The following REV3L variants were observed in gnomAD, a reference collection of about 807,000 sequenced individuals.
REV3L encodes REV3 like, DNA directed polymerase zeta catalytic subunit, also known as DNA polymerase zeta catalytic subunit.
In REV3L, 69 loss-of-function variants were observed where a neutral mutation model predicts 299.4. That is an observed-to-expected ratio of 0.23 (90% CI 0.19 to 0.28). The LOEUF (loss-of-function observed/expected upper bound fraction) is 0.28, where lower values mean the gene tolerates loss of function less well. Ranked by LOEUF, REV3L falls within the 10% of genes least tolerant of loss-of-function variation. REV3L has a pLI of 1.00. For synonymous variants in REV3L, 1,238 were observed against 1,271.4 expected, an observed-to-expected ratio of 0.97 and a Z score of 0.56; for missense variants, 3,128 against 3,693.8, an observed-to-expected ratio of 0.85 and a Z score of 3.97.
chr6:111,422,615 C>CGT lies in REV3L; in HGVS notation c.140-6144_140-6143insAC, dbSNP rs1440483021. Among the ~76,000 whole-genome samples, 10 of 13,638 alleles carry CGT rather than the reference C, an allele frequency of 7.3e-4. 1 individual carries two copies. Among genetic ancestry groups the CGT allele is most frequent in the African/African-American group, 1.0e-3 (6 of 5,864 alleles). The allele number at this position is 13,638 out of a possible 152,430, so 8.9% of individuals were successfully genotyped here. A position where few individuals can be genotyped will look rare whatever the true frequency, so the allele number is the denominator to read the frequency against. On this transcript the variant is annotated intron_variant, in intron 1 of 31. Coordinates refer to ENST00000368802, the MANE Select transcript of REV3L (RefSeq NM_001372078.1). ...ATATACACATATATATATATATACA[C>CGT]ATATATATATATATACACATATATA...
intron 12 of REV3L, among the ~76,000 whole-genome samples, chr6:111,377,336 T>A (rs1780415697): frequency 6.6e-6 from 1 of 151,928 alleles, no homozygotes; most frequent in South Asian, 2.1e-4. Context: ...TCATATTTAT[T>A]TATTTATTAT....
intron 1 of REV3L, among the ~76,000 whole-genome samples, chr6:111,450,072 T>C (rs1449574192): frequency 6.6e-6 from 1 of 151,912 alleles, no homozygotes; most frequent in East Asian, 1.9e-4. Flanking sequence ...AGAGGAAAAA[T>C]ATGAGTAGAA....
chr6:111,452,457 A>C (rs1789662496), intron 1 of REV3L, among the ~76,000 whole-genome samples: 1 of 152,218 alleles, frequency 6.6e-6, no homozygotes, highest in African/African-American at 2.4e-5. Context: ...CACCTAGTGA[A>C]TGGTATATCC....
intron 5 of REV3L, 178 bp downstream of exon 5, chr6:111,392,698 G>T: frequency 2.1e-6 from 1 of 468,086 alleles, no homozygotes; most frequent in Non-Finnish European, 3.8e-6. Context: ...TTCATGGTTT[G>T]TTTTTAAAAT....
intron 5 of REV3L, 73 bp from the exon 6 acceptor site, chr6:111,390,253 A>C: frequency 1.1e-6 from 1 of 915,370 alleles, no homozygotes; most frequent in Non-Finnish European, 1.8e-6. Flanking sequence ...TTACTTATAC[A>C]ATTATCTTAC....
rs1230241768 is a variant in REV3L, at chr6:111,343,939, CTTG to C, written c.7521_7523del (p.Asn2507del). 1 of 1,600,500 alleles carries C rather than the reference CTTG, an allele frequency of 6.2e-7. No homozygotes were observed. Among genetic ancestry groups the C allele is most frequent in the East Asian group, 2.2e-5 (1 of 44,770 alleles). On this transcript the variant is annotated inframe_deletion, in exon 21 of 32. Transcript: ENST00000368802. Reference sequence around the variant, plus strand: ...TAGAACAGTACCTGTATAGATCTGTCTTGTTATCAAACCAGTCTGACAAGACTC... The same window carrying C: ...TAGAACAGTACCTGTATAGATCTGTCTTATCAAACCAGTCTGACAAGACTC...
At chr6:111,438,566 G>T (rs936995100) in intron 1 of REV3L, among the ~76,000 whole-genome samples, 4 of 149,906 alleles carry the variant, frequency 2.7e-5, no homozygotes, top group Non-Finnish European at 5.9e-5. Context: ...AGAAAGAACT[G>T]TTAATGTTAA....
chr6:111,315,167 C>A, intron 27 of REV3L, 100 bp downstream of exon 27: 1 of 987,238 alleles, frequency 1.0e-6, no homozygotes, highest in Non-Finnish European at 1.5e-6. Context: ...TTAATAGACC[C>A]GTATACTGTT....
At chr6:111,353,002 T>C (rs1777728034) in intron 18 of REV3L, among the ~76,000 whole-genome samples, 1 of 152,244 alleles carries the variant, frequency 6.6e-6, no homozygotes, top group Admixed American at 6.5e-5. Flanking sequence ...TATCAATTAG[T>C]AGCATTATCT....
intron 1 of REV3L, chr6:111,431,155 A>C (rs934430649): frequency 2.6e-6 from 4 of 1,544,250 alleles, no homozygotes; most frequent in Non-Finnish European, 3.6e-6. Context: ...CGATCTCAGC[A>C]GCCATGAGTT....
chr6:111,350,752 CTTTTTTTTT>C (rs35185792), intron 19 of REV3L, among the ~76,000 whole-genome samples: 1 of 138,642 alleles, frequency 7.2e-6, no homozygotes, highest in Non-Finnish European at 1.6e-5. Flanking sequence ...AATTTTCTTT[CTTTTTTTTT>C]TTTTTTTGGT....
At chr6:111,364,371 C>A (rs985159766) in intron 15 of REV3L, among the ~76,000 whole-genome samples, 19 of 152,010 alleles carry the variant, frequency 1.2e-4, no homozygotes, top group African/African-American at 4.3e-4. Context: ...ATTTGAAATA[C>A]TGATTTGTAT....
intron 1 of REV3L, among the ~76,000 whole-genome samples, chr6:111,453,991 A>C (rs994381036): frequency 6.6e-6 from 1 of 152,212 alleles, no homozygotes; most frequent in African/African-American, 2.4e-5. Context: ...GTCTCAAAAA[A>C]ATAAAAAATA....
intron 7 of REV3L, among the ~76,000 whole-genome samples, chr6:111,388,361 G>A (rs1372812887): frequency 6.6e-6 from 1 of 151,918 alleles, no homozygotes; most frequent in Admixed American, 6.6e-5. Flanking sequence ...TAAATATATT[G>A]TATCCTAAAG....
intron 18 of REV3L, among the ~76,000 whole-genome samples, chr6:111,352,050 A>C (rs1386853267): frequency 1.3e-5 from 2 of 151,118 alleles, no homozygotes; most frequent in African/African-American, 4.9e-5. Context: ...TCTGTTGTCC[A>C]GGCTGGATTG....
At chr6:111,336,173 A>G (rs1427720876) in intron 21 of REV3L, among the ~76,000 whole-genome samples, 2 of 151,994 alleles carry the variant, frequency 1.3e-5, no homozygotes, top group African/African-American at 2.4e-5. Flanking sequence ...TTAAAATATA[A>G]AAGTTCTGTT....
rs1779336585 is a variant in REV3L at position 111,367,412 on chromosome 6, G to A, written c.6376C>T (p.Pro2126Ser). 1 of 1,611,514 alleles carries A rather than the reference G, an allele frequency of 6.2e-7. No individual in the cohort carries two copies. Among genetic ancestry groups the A allele is most frequent in the African/African-American group, 1.3e-5 (1 of 74,924 alleles). ...SYSSPDSPVI[P>S]PWQQPISPDS... is the part of the protein sequence containing the mutation. ...GGGGATATTGGTTGTTGCCAAGGGG[G>A]AATTACTGGAGAATCAGGGGAGCTA... The change falls in exon 14 of 32, where the codon CCC becomes TCC. Residue 2126 changes from proline (P) to serine (S), a missense_variant. By Grantham distance (74) the Pro-to-Ser change is moderately conservative. Around this residue, in one of 9 missense-constraint regions of REV3L, gnomAD observed 2,409 missense variants for 2,611.8 expected, o/e 0.92. Coordinates refer to ENST00000368802, the MANE Select transcript of REV3L (RefSeq NM_001372078.1).
At chr6:111,438,785 C>A (rs951829889) in intron 1 of REV3L, among the ~76,000 whole-genome samples, 1 of 152,136 alleles carries the variant, frequency 6.6e-6, no homozygotes, top group African/African-American at 2.4e-5. Flanking sequence ...TACAGTTGAT[C>A]TCACGGGGTC....
intron 1 of REV3L, among the ~76,000 whole-genome samples, chr6:111,443,652 C>G (rs1312745857): frequency 6.6e-6 from 1 of 152,210 alleles, no homozygotes; most frequent in Non-Finnish European, 1.5e-5. Flanking sequence ...CTGGTGTATT[C>G]AAGAAGGTCT....
Sources: allele counts gnomAD v4.1 joint callset (sites outside exome capture counted in the v4.1 genomes callset), GRCh38; gene constraint gnomAD v4.1.1; regional missense constraint gnomAD v4.1.1; transcripts MANE v1.5; gene names NCBI Gene and HGNC (gene_info 2026-07-23, HGNC 2026-07-21).